Variants in DNAH7 observed in about 807,000 individuals in gnomAD.
The protein encoded by DNAH7 is axonemal beta dynein heavy chain 7.
Under a neutral mutation model 444.6 loss-of-function variants are expected in DNAH7, and 397 were observed. The observed-to-expected ratio is 0.89, with a 90% CI of 0.82 to 0.97. DNAH7 has a LOEUF of 0.97. Ranked by LOEUF, DNAH7 falls within the 50% of genes least tolerant of loss-of-function variation. The pLI is 0.00. For synonymous variants in DNAH7, 1,636 were observed against 1,624.4 expected (o/e 1.01, Z -0.17); for missense variants, 4,902 against 4,800.8 (o/e 1.02, Z -0.62).
intron 30 of DNAH7, chr2:195,894,681 G>T (rs989997564): frequency 6.3e-5 from 13 of 207,752 alleles, no homozygotes; most frequent in Non-Finnish European, 1.1e-4. Flanking sequence ...TGAAAGTATT[G>T]CAGGAAAACC....
chr2:195,738,537 ATAGC>A lies in DNAH7; in HGVS notation c.11869-414_11869-411del, dbSNP rs1692792879. ...TGAAGGGATTTTTATCAACAGCTGT[ATAGC>A]TAGAGAACCTTCCCATTTTAGGAGA... On this transcript the variant is annotated intron_variant, in intron 64 of 64. Transcript: ENST00000312428. Among the ~76,000 whole-genome samples the A allele has an allele frequency of 2.6e-5, 4 of 152,316 alleles. No homozygotes were observed. The East Asian group carries it at 5.8e-4, about 22-fold the overall frequency.
At position 195,864,339 on chromosome 2, in the gene DNAH7, T is replaced by A; in HGVS notation, c.7316A>T (p.Gln2439Leu). The A allele has an allele frequency of 1.9e-6, 3 of 1,614,188 alleles. No individual in the cohort carries two copies. The highest frequency in any genetic ancestry group is 2.5e-6 in the Non-Finnish European group (3 of 1,180,014). Reference protein sequence around the residue: ...EKQEICDKMRQLDRQRDKTKQ... With the variant: ...EKQEICDKMRLLDRQRDKTKQ... ...GGTTTTATCCCGCTGGCGATCTAAC[T>A]GACGCATCTTATCACATATCTCTTG... Residue 2439 changes from glutamine (Q) to leucine (L), a missense_variant, in exon 41 of 65, where the codon CAG becomes CTG. Coordinates refer to ENST00000312428, the MANE Select transcript of DNAH7 (RefSeq NM_018897.3).
chr2:195,747,048 T>C (rs1415966401), intron 63 of DNAH7, among the ~76,000 whole-genome samples: 1 of 152,130 alleles, frequency 6.6e-6, no homozygotes, highest in Non-Finnish European at 1.5e-5. Context: ...AAAAAATTAA[T>C]GAATCCAGGA....
rs202016970 is a variant in DNAH7, at chr2:195,809,894, G to T, written c.9762-23C>A. The T allele has an allele frequency of 1.0e-4, 148 of 1,470,078 alleles. 1 individual carries two copies. In the East Asian group the frequency reaches 3.7e-3, roughly 36 times the overall value. The allele number at this position is 1,470,078 out of a possible 1,614,324, so 91.1% of individuals were successfully genotyped here. A position where few individuals can be genotyped will look rare whatever the true frequency, so the allele number is the denominator to read the frequency against. Reference sequence around the variant, plus strand: ...AGCCTAAGGGTCAACAGAAAATAAAGGAAATAAATAAAAATATACTTTAAA... The same window carrying T: ...AGCCTAAGGGTCAACAGAAAATAAATGAAATAAATAAAAATATACTTTAAA... On this transcript the variant is annotated intron_variant, in intron 51 of 64. Coordinates refer to ENST00000312428, the MANE Select transcript of DNAH7 (RefSeq NM_018897.3).
At chr2:195,840,728 C>A (rs1384516587) in intron 47 of DNAH7, among the ~76,000 whole-genome samples, 2 of 151,652 alleles carry the variant, frequency 1.3e-5, no homozygotes, top group Non-Finnish European at 3.0e-5. Flanking sequence ...CTTTTAAGTA[C>A]CACACAGAAA....
At chr2:195,791,609 T>C (rs1695881997) in intron 57 of DNAH7, among the ~76,000 whole-genome samples, 1 of 152,156 alleles carries the variant, frequency 6.6e-6, no homozygotes, top group Non-Finnish European at 1.5e-5. Flanking sequence ...TGAACTCATA[T>C]ATTCTCAGCA....
chr2:195,750,826 T>C (rs1397261143), intron 63 of DNAH7, among the ~76,000 whole-genome samples: 3 of 152,210 alleles, frequency 2.0e-5, no homozygotes, highest in Admixed American at 1.3e-4. Flanking sequence ...TGCTGTTTCT[T>C]TGATTTGCTT....
At chr2:195,938,835 A>G (rs562037414) in intron 19 of DNAH7, among the ~76,000 whole-genome samples, 2 of 152,236 alleles carry the variant, frequency 1.3e-5, no homozygotes, top group East Asian at 1.9e-4. Flanking sequence ...ATCTTTGTAT[A>G]TGGATTTAAG....
intron 61 of DNAH7, 57 bp downstream of exon 61, chr2:195,771,603 A>G (rs1400935208): frequency 3.9e-6 from 5 of 1,292,316 alleles, no homozygotes; most frequent in African/African-American, 1.5e-5. Flanking sequence ...TATTTGCTAA[A>G]TAAATGAATG....
At chr2:195,858,095 C>T (rs983860772) in intron 43 of DNAH7, among the ~76,000 whole-genome samples, 1 of 152,166 alleles carries the variant, frequency 6.6e-6, no homozygotes, top group Non-Finnish European at 1.5e-5. Flanking sequence ...TACTTTATCA[C>T]ATGCTCTATA....
chr2:195,851,483 C>G (rs748840995), intron 46 of DNAH7, among the ~76,000 whole-genome samples: 8 of 152,156 alleles, frequency 5.3e-5, no homozygotes, highest in Admixed American at 2.0e-4. Context: ...TGTCTTGTGT[C>G]TAAGTTGAAT....
chr2:196,030,996 GTGGGGGCTCTGACCCCA>G (rs1446172083), intron 5 of DNAH7, among the ~76,000 whole-genome samples: 9 of 152,354 alleles, frequency 5.9e-5, no homozygotes, highest in African/African-American at 2.2e-4. Flanking sequence ...GGGACTCTGA[GTGGGGGCTCTGACCCCA>G]CATTTCCCTT....
rs2124956560 is a variant in DNAH7, at chr2:195,834,209, G to C, written c.9097C>G (p.Pro3033Ala). The change falls in exon 48 of 65, where the codon CCT becomes GCT. Residue 3033 changes from proline (P) to alanine (A), a missense_variant. Transcript: ENST00000312428. ...TLENCIQFGT[P>A]VLLENVGEEL... Reference sequence around the variant, plus strand: ...TCTTAGTTATTCAACTACATACCAGGAGTACCAAACTGGATGCAATTTTCC... The same window carrying C: ...TCTTAGTTATTCAACTACATACCAGCAGTACCAAACTGGATGCAATTTTCC... The C allele has an allele frequency of 6.2e-7, 1 of 1,603,894 alleles. No homozygotes were observed. Among genetic ancestry groups the C allele is most frequent in the East Asian group, 2.2e-5 (1 of 44,578 alleles).
At chr2:195,786,981 T>C in intron 58 of DNAH7, 29 bp downstream of exon 58, 1 of 1,538,480 alleles carries the variant, frequency 6.5e-7, no homozygotes, top group Non-Finnish European at 8.7e-7. Flanking sequence ...GCAACATAGG[T>C]AATGTCCTTG....
chr2:195,964,128 G>C (rs1691301142), intron 17 of DNAH7, among the ~76,000 whole-genome samples: 1 of 152,122 alleles, frequency 6.6e-6, no homozygotes, highest in Non-Finnish European at 1.5e-5. Context: ...TAGAACTGTG[G>C]GGATGGGCAG....
chr2:195,831,341 C>T (rs1009337020), intron 48 of DNAH7, among the ~76,000 whole-genome samples: 1 of 152,164 alleles, frequency 6.6e-6, no homozygotes, highest in Non-Finnish European at 1.5e-5. Flanking sequence ...AAAGTGAGAC[C>T]TGCTCTGGCT....
At chr2:196,037,123 T>C (rs1307585647) in intron 5 of DNAH7, among the ~76,000 whole-genome samples, 1 of 152,058 alleles carries the variant, frequency 6.6e-6, no homozygotes, top group Non-Finnish European at 1.5e-5. Flanking sequence ...ACTAAGTAAT[T>C]TGCAGACACT....
rs779938507 is a variant in DNAH7 at position 196,000,733 on chromosome 2, T to C, written c.1324A>G (p.Arg442Gly). The C allele has an allele frequency of 7.6e-6, 12 of 1,585,348 alleles. No individual in the cohort carries two copies. In the Admixed American group the frequency reaches 1.8e-4, roughly 24 times the overall value. The change falls in exon 12 of 65, where the codon AGA (arginine) becomes GGA (glycine). Residue 442 changes from arginine (R) to glycine (G), a missense_variant. By Grantham distance (125) the Arg-to-Gly change is moderately radical. Coordinates refer to ENST00000312428, the MANE Select transcript of DNAH7 (RefSeq NM_018897.3). ...VMIKAVSFVPRVETKLYSKWE... is the reference protein window; with the variant it reads ...VMIKAVSFVPGVETKLYSKWE... ...TTGGAATACAATTTTGTCTCAACTC[T>C]TGGCACAAAACTGACAGCTTTAATC...
chr2:196,020,171 AAT>A (rs149705072), intron 8 of DNAH7, among the ~76,000 whole-genome samples: 9,461 of 152,232 alleles, frequency 0.062, 381 homozygotes, highest in African/African-American at 0.11. Flanking sequence ...TAACACATAA[AAT>A]ATGTTTTAAT....
Sources: gnomAD v4.1 joint callset for allele counts (sites outside exome capture counted in the v4.1 genomes callset) on GRCh38, gnomAD v4.1.1 for gene constraint, MANE v1.5 for transcripts, NCBI Gene and HGNC (gene_info 2026-07-23, HGNC 2026-07-21) for gene names.